USO1: variants seen among roughly 807,000 people sequenced by gnomAD.
USO1 encodes general vesicular transport factor p115.
In USO1, 57 loss-of-function variants were observed where a neutral mutation model predicts 124.5. The observed-to-expected ratio is 0.46, with a 90% CI of 0.37 to 0.57. The LOEUF (loss-of-function observed/expected upper bound fraction) is 0.57, where lower values mean the gene tolerates loss of function less well. USO1 is among the 20% of genes least tolerant of loss of function. The pLI, the probability that USO1 is intolerant of heterozygous loss-of-function variation, is 0.00. For missense variants in USO1, 900 were observed against 1,040.6 expected, an observed-to-expected ratio of 0.86 and a Z score of 1.86; for synonymous variants, 369 against 362.8, an observed-to-expected ratio of 1.02 and a Z score of -0.19.
chr4:75,755,378 T>C (rs1400369059), intron 3 of USO1: 1 of 507,848 alleles, frequency 2.0e-6, no homozygotes, highest in Admixed American at 2.0e-5. Flanking sequence ...TCAGTCTATA[T>C]GTTGCAAGAA....
chr4:75,728,042 T>G (rs1040245800), intron 1 of USO1, among the ~76,000 whole-genome samples: 1 of 152,196 alleles, frequency 6.6e-6, no homozygotes, highest in African/African-American at 2.4e-5. Context: ...TGAAATGAAT[T>G]AATTATAGTT....
chr4:75,798,832 G>GTTTT (rs1553902452), intron 13 of USO1, among the ~76,000 whole-genome samples: 1 of 151,302 alleles, frequency 6.6e-6, no homozygotes, highest in Non-Finnish European at 1.5e-5. Context: ...GTTTTGTTTT[G>GTTTT]TTTTTTTAAA....
intron 3 of USO1, among the ~76,000 whole-genome samples, chr4:75,753,028 A>C (rs926666437): frequency 8.0e-5 from 12 of 149,832 alleles, no homozygotes; most frequent in Admixed American, 3.3e-4. Context: ...GTAGATATTC[A>C]TTTACATATA....
At chr4:75,726,836 A>G (rs1186214429) in intron 1 of USO1, among the ~76,000 whole-genome samples, 1 of 152,200 alleles carries the variant, frequency 6.6e-6, no homozygotes, top group Non-Finnish European at 1.5e-5. Context: ...TTGTGGCACC[A>G]GGTTATGAAA....
intron 6 of USO1, 32 bp downstream of exon 6, chr4:75,770,956 A>T: frequency 6.2e-7 from 1 of 1,600,726 alleles, no homozygotes; most frequent in Non-Finnish European, 8.5e-7. Flanking sequence ...TATTATTTTG[A>T]TTCAAGCATG....
At chr4:75,770,660 C>T in intron 5 of USO1, 121 bp downstream of exon 5, 1 of 1,452,094 alleles carries the variant, frequency 6.9e-7, no homozygotes, top group African/African-American at 1.5e-5. Flanking sequence ...TGTATTATAG[C>T]AAGAGATCCA....
chr4:75,754,022 C>T (rs1009286696), intron 3 of USO1, among the ~76,000 whole-genome samples: 1 of 150,740 alleles, frequency 6.6e-6, no homozygotes, highest in Non-Finnish European at 1.5e-5. Context: ...CTCCTGATCT[C>T]GTGATCCACC....
chr4:75,731,033 A>G (rs1333999298), intron 1 of USO1, among the ~76,000 whole-genome samples: 1 of 152,230 alleles, frequency 6.6e-6, no homozygotes, highest in East Asian at 1.9e-4. Context: ...TTTGAAAAGC[A>G]TAGTTCATTT....
intron 17 of USO1, among the ~76,000 whole-genome samples, chr4:75,803,132 A>G (rs1722901009): frequency 6.6e-6 from 1 of 151,042 alleles, no homozygotes; most frequent in Admixed American, 6.6e-5. Flanking sequence ...GAAAAGAAAA[A>G]AAATGGAAAG....
intron 4 of USO1, among the ~76,000 whole-genome samples, chr4:75,762,124 A>G (rs548196951): frequency 6.6e-6 from 1 of 150,718 alleles, no homozygotes; most frequent in East Asian, 1.9e-4. Context: ...AGATGATGTA[A>G]CTTATATGGT....
chr4:75,745,123 C>T (rs1008069236), intron 1 of USO1, among the ~76,000 whole-genome samples: 2 of 152,148 alleles, frequency 1.3e-5, no homozygotes, highest in African/African-American at 4.8e-5. Flanking sequence ...TTCTTTCTAT[C>T]TTTAATCTCC....
chr4:75,799,583 A>G (rs867188286), intron 13 of USO1, 39 bp from the exon 14 acceptor site: 1 of 1,605,168 alleles, frequency 6.2e-7, no homozygotes, highest in Middle Eastern at 1.7e-4. Context: ...GAAAAATATA[A>G]AATGAATGGA....
At chr4:75,765,161 AG>A (rs2149164003) in intron 4 of USO1, among the ~76,000 whole-genome samples, 1 of 152,316 alleles carries the variant, frequency 6.6e-6, no homozygotes, top group African/African-American at 2.4e-5. Flanking sequence ...CCCATGACTA[AG>A]TTAATATTGC....
intron 4 of USO1, among the ~76,000 whole-genome samples, chr4:75,769,108 A>T (rs1266364400): frequency 6.6e-6 from 1 of 152,196 alleles, no homozygotes; most frequent in Non-Finnish European, 1.5e-5. Flanking sequence ...TCAACAAATC[A>T]TAATCCTTTG....
intron 1 of USO1, among the ~76,000 whole-genome samples, chr4:75,727,457 G>A (rs1279106129): frequency 2.0e-5 from 3 of 152,036 alleles, no homozygotes; most frequent in African/African-American, 7.2e-5. Context: ...CCACAATAAA[G>A]CAATTTGCCT....
intron 4 of USO1, among the ~76,000 whole-genome samples, chr4:75,763,658 T>A (rs1381798049): frequency 1.3e-5 from 2 of 152,120 alleles, no homozygotes; most frequent in African/African-American, 4.8e-5. Context: ...GCCATTTCAT[T>A]TTTATCTTAT....
chr4:75,737,222 A>G (rs1223801188), intron 1 of USO1, among the ~76,000 whole-genome samples: 1 of 152,204 alleles, frequency 6.6e-6, no homozygotes, highest in Admixed American at 6.5e-5. Flanking sequence ...TCATCTCTAA[A>G]ATATAAATAG....
chr4:75,812,151 T>A lies in USO1; in HGVS notation c.2584-9T>A. The A allele has an allele frequency of 6.3e-7, 1 of 1,590,040 alleles. No homozygotes were observed. The highest frequency in any genetic ancestry group is 8.6e-7 in the Non-Finnish European group (1 of 1,167,710). On this transcript the variant is annotated splice_polypyrimidine_tract_variant and intron_variant, in intron 22 of 23. Coordinates refer to ENST00000514213, the MANE Select transcript of USO1 (RefSeq NM_003715.4). Reference sequence around the variant, plus strand: ...TTTAGATTCCTGCCTTTCACCTTTCTTTTCCTAGAATGAAATTAAAGCTCT... The same window carrying A: ...TTTAGATTCCTGCCTTTCACCTTTCATTTCCTAGAATGAAATTAAAGCTCT...
chr4:75,747,367 G>A (rs947238431), intron 1 of USO1, among the ~76,000 whole-genome samples: 1 of 151,934 alleles, frequency 6.6e-6, no homozygotes, highest in Non-Finnish European at 1.5e-5. Flanking sequence ...CTGTAGCCTC[G>A]GACTGCTCAA....
Sources: allele counts gnomAD v4.1 joint callset (sites outside exome capture counted in the v4.1 genomes callset), GRCh38; gene constraint gnomAD v4.1.1; transcripts MANE v1.5; gene names NCBI Gene and HGNC (gene_info 2026-07-23, HGNC 2026-07-21).